The following ATRNL1 variants were observed in gnomAD, a reference collection of about 807,000 sequenced individuals.
The protein encoded by ATRNL1 is attractin-like protein 1.
In ATRNL1, 95 loss-of-function variants were observed where a neutral mutation model predicts 182.7. The observed-to-expected ratio is 0.52, with a 90% CI of 0.44 to 0.62. ATRNL1 has a LOEUF of 0.62. ATRNL1 is among the 20% of genes least tolerant of loss of function. The probability of loss-of-function intolerance (pLI) is 0.00; values close to 1 mark genes in which losing one functional copy is unlikely to be tolerated. For synonymous variants in ATRNL1, 576 were observed against 568.3 expected (o/e 1.01, Z -0.19); for missense variants, 1,471 against 1,679.5 (o/e 0.88, Z 2.17).
chr10:115,282,065 C>CACATA (rs1554917060), intron 14 of ATRNL1, among the ~76,000 whole-genome samples: 1 of 143,462 alleles, frequency 7.0e-6, no homozygotes, highest in Non-Finnish European at 1.5e-5. Context: ...TAATATGTAA[C>CACATA]ATATATTTAT....
chr10:115,325,733 T>C (rs1293510694), intron 18 of ATRNL1, among the ~76,000 whole-genome samples: 1 of 152,186 alleles, frequency 6.6e-6, no homozygotes, highest in African/African-American at 2.4e-5. Flanking sequence ...ACTTCTTTTA[T>C]CATCAAGAGG....
chr10:115,423,864 G>A (rs138836676), intron 20 of ATRNL1, among the ~76,000 whole-genome samples: 68 of 152,246 alleles, frequency 4.5e-4, no homozygotes, highest in African/African-American at 1.6e-3. Flanking sequence ...CTCTGGGGAA[G>A]GTTTTTGTTT....
intron 27 of ATRNL1, among the ~76,000 whole-genome samples, chr10:115,739,432 A>C (rs1948075214): frequency 6.6e-6 from 1 of 152,226 alleles, no homozygotes. Flanking sequence ...AATTGCCAAC[A>C]CTGTCCTCCA....
chr10:115,140,304 A>G (rs782149803), intron 5 of ATRNL1, among the ~76,000 whole-genome samples: 5 of 152,204 alleles, frequency 3.3e-5, no homozygotes, highest in Non-Finnish European at 7.3e-5. Flanking sequence ...TCCCAAACAC[A>G]GGAAAGGGGA....
At chr10:115,411,287 A>AATTTAAACATTTAAATTTAAAT (rs1565013424) in intron 20 of ATRNL1, among the ~76,000 whole-genome samples, 1 of 150,924 alleles carries the variant, frequency 6.6e-6, no homozygotes, top group African/African-American at 2.4e-5. Flanking sequence ...TAAATTTAAA[A>AATTTAAACATTTAAATTTAAAT]TTTTAATTTA....
chr10:115,504,381 C>G (rs534093287), intron 24 of ATRNL1, among the ~76,000 whole-genome samples: 1 of 152,138 alleles, frequency 6.6e-6, no homozygotes, highest in East Asian at 1.9e-4. Context: ...AGATAACATT[C>G]CCTTCCCAAA....
At chr10:115,225,070 G>A (rs1236511754) in intron 9 of ATRNL1, among the ~76,000 whole-genome samples, 1 of 151,926 alleles carries the variant, frequency 6.6e-6, no homozygotes, top group Admixed American at 6.6e-5. Flanking sequence ...GGATGTTACA[G>A]GTAAGGAAAA....
At chr10:115,376,341 G>C (rs1280086615) in intron 19 of ATRNL1, among the ~76,000 whole-genome samples, 2 of 152,024 alleles carry the variant, frequency 1.3e-5, no homozygotes, top group African/African-American at 2.4e-5. Flanking sequence ...CCAGGCTAGA[G>C]TGCAGTGGTG....
chr10:115,850,202 G>T (rs912513732), intron 28 of ATRNL1, among the ~76,000 whole-genome samples: 1 of 151,942 alleles, frequency 6.6e-6, no homozygotes, highest in East Asian at 1.9e-4. Flanking sequence ...AAATGTTAAT[G>T]GTAGGATCTA....
intron 27 of ATRNL1, among the ~76,000 whole-genome samples, chr10:115,742,707 C>A (rs1948173015): frequency 6.6e-6 from 1 of 152,026 alleles, no homozygotes; most frequent in Non-Finnish European, 1.5e-5. Flanking sequence ...TTTTTTCCTG[C>A]TCTGTTACAT....
In ATRNL1 at chr10:115,351,280, A is replaced by G. The variant is rs1856237777; in HGVS notation, c.3175+16861A>G. 2.0e-5 allele frequency among the ~76,000 whole-genome samples: 3 copies of G among 152,208 alleles called. No homozygotes were observed. In the South Asian group the frequency reaches 6.2e-4, roughly 32 times the overall value. ...TACTCTGGGTGGGACTTCCAGTACT[A>G]TGTCTAATAAAAGTGGTGAAAGTGG... On this transcript the variant is annotated intron_variant, in intron 19 of 28. Transcript: ENST00000355044.
chr10:115,683,547 C>A (rs1476554373), intron 26 of ATRNL1, among the ~76,000 whole-genome samples: 2 of 18,790 alleles, frequency 1.1e-4, no homozygotes, highest in Non-Finnish European at 2.0e-4. Context: ...AGAGAACTAG[C>A]GTTTTTTTTT....
chr10:115,566,100 CT>C (rs1422595835), intron 26 of ATRNL1, among the ~76,000 whole-genome samples: 12 of 151,606 alleles, frequency 7.9e-5, no homozygotes, highest in East Asian at 5.8e-4. Flanking sequence ...TTTTTTCATT[CT>C]TTTTTTTATT....
At chr10:115,527,984 CCCTCCCTCCCTCCCTT>C (rs1565133208) in intron 25 of ATRNL1, among the ~76,000 whole-genome samples, 1 of 24,996 alleles carries the variant, frequency 4.0e-5, no homozygotes, top group Non-Finnish European at 7.5e-5. Flanking sequence ...TTCCCTCCCT[CCCTCCCTCCCTCCCTT>C]CCTTCCTTCC....
At chr10:115,813,663 C>A (rs962953451) in intron 27 of ATRNL1, among the ~76,000 whole-genome samples, 52 of 152,234 alleles carry the variant, frequency 3.4e-4, no homozygotes, top group African/African-American at 1.2e-3. Flanking sequence ...CAACAAAGTG[C>A]ATCACCATTA....
intron 27 of ATRNL1, among the ~76,000 whole-genome samples, chr10:115,798,261 A>G (rs1949706592): frequency 6.6e-6 from 1 of 151,904 alleles, no homozygotes; most frequent in Non-Finnish European, 1.5e-5. Context: ...ACCTTTCCCC[A>G]CATCACTAAT....
At chr10:115,804,772 C>A (rs1260104673) in intron 27 of ATRNL1, among the ~76,000 whole-genome samples, 1 of 152,028 alleles carries the variant, frequency 6.6e-6, no homozygotes, top group Non-Finnish European at 1.5e-5. Context: ...CTCCTCTATA[C>A]CTCTCCCAAG....
At chr10:115,890,684 G>A (rs1205539463) in intron 28 of ATRNL1, among the ~76,000 whole-genome samples, 1 of 152,142 alleles carries the variant, frequency 6.6e-6, no homozygotes, top group African/African-American at 2.4e-5. Flanking sequence ...TGTCAGATTT[G>A]GAGAATGAGC....
intron 26 of ATRNL1, among the ~76,000 whole-genome samples, chr10:115,565,007 T>G (rs1264012193): frequency 6.6e-6 from 1 of 152,042 alleles, no homozygotes; most frequent in African/African-American, 2.4e-5. Context: ...TTGAACACTT[T>G]ATATCTTTAT....
Sources: allele counts gnomAD v4.1 joint callset (sites outside exome capture counted in the v4.1 genomes callset), GRCh38; gene constraint gnomAD v4.1.1; transcripts MANE v1.5; gene names NCBI Gene and HGNC (gene_info 2026-07-23, HGNC 2026-07-21).